Variants in XRN1 observed in about 807,000 individuals in gnomAD.
XRN1 encodes the protein strand-exchange protein 1 homolog.
Under a neutral mutation model 222.3 loss-of-function variants are expected in XRN1, and 67 were observed. That is an observed-to-expected ratio of 0.30 (90% CI 0.25 to 0.37). The LOEUF is 0.37. Among genes scored for constraint, XRN1 ranks in the 10% least tolerant of loss-of-function variants. The probability of loss-of-function intolerance (pLI) is 1.00; values close to 1 mark genes in which losing one functional copy is unlikely to be tolerated. For synonymous variants in XRN1, 643 were observed against 652.4 expected (o/e 0.99, Z 0.22); for missense variants, 1,707 against 2,000.2 (o/e 0.85, Z 2.80).
At chr3:142,347,441 G>C in intron 32 of XRN1, 99 bp from the exon 33 acceptor site, 5 of 783,188 alleles carry the variant, frequency 6.4e-6, no homozygotes, top group Non-Finnish European at 9.3e-6. Flanking sequence ...AAATTATATA[G>C]TTCCTTAGAA....
intron 2 of XRN1, among the ~76,000 whole-genome samples, chr3:142,432,328 C>T (rs1224457942): frequency 2.1e-5 from 3 of 146,322 alleles, no homozygotes; most frequent in Non-Finnish European, 4.5e-5. Context: ...GCTGAGGCAC[C>T]GATAATCACT....
At chr3:142,341,065 C>G (rs555772634) in intron 33 of XRN1, among the ~76,000 whole-genome samples, 67 of 151,796 alleles carry the variant, frequency 4.4e-4, no homozygotes, top group African/African-American at 1.4e-3. Context: ...ACTGATGAAC[C>G]AATGAAAAAA....
At chr3:142,396,432 A>G (rs537223069) in intron 20 of XRN1, among the ~76,000 whole-genome samples, 2 of 152,346 alleles carry the variant, frequency 1.3e-5, no homozygotes. Context: ...TCATACAAGT[A>G]AGTTTATTAT....
chr3:142,411,732 G>A (rs2068588382), intron 15 of XRN1, among the ~76,000 whole-genome samples: 1 of 151,948 alleles, frequency 6.6e-6, no homozygotes, highest in Non-Finnish European at 1.5e-5. Flanking sequence ...CAAAATGTAT[G>A]GGGATCCCCC....
At chr3:142,417,297 T>A (rs1264591250) in intron 12 of XRN1, 68 bp from the exon 13 acceptor site, 5 of 1,265,198 alleles carry the variant, frequency 4.0e-6, no homozygotes, top group South Asian at 2.6e-5. Flanking sequence ...GAGCACGGTA[T>A]CTGCTGATAC....
chr3:142,319,886 T>C (rs1044163863), intron 37 of XRN1, among the ~76,000 whole-genome samples: 3 of 151,668 alleles, frequency 2.0e-5, no homozygotes, highest in African/African-American at 4.8e-5. Flanking sequence ...GTGTATAGGA[T>C]AGTAGTACAT....
At position 142,448,008 on chromosome 3, in the gene XRN1, G is replaced by T; in HGVS notation, c.-64C>A. The T allele has an allele frequency of 6.5e-7, 1 of 1,548,102 alleles. No homozygotes were observed. Among genetic ancestry groups the T allele is most frequent in the Non-Finnish European group, 8.9e-7 (1 of 1,125,846 alleles). ...AAACCAAACGCCCCGCCGGGGCTCC[G>T]CCGCAGCCTCCGGTCGTCGCTCCGC... is the stretch of plus-strand genomic sequence containing the variant. On this transcript the variant is annotated 5_prime_UTR_variant, in exon 1 of 41. Transcript: ENST00000392981.
intron 25 of XRN1, among the ~76,000 whole-genome samples, chr3:142,374,311 A>AG (rs2067075987): frequency 6.6e-6 from 1 of 152,200 alleles, no homozygotes; most frequent in Admixed American, 6.5e-5. Context: ...CTGAAGCAGG[A>AG]AGACACAGGT....
chr3:142,382,682 A>G lies in XRN1; in HGVS notation c.2616+618T>C, dbSNP rs573389190. 3.3e-5 allele frequency among the ~76,000 whole-genome samples: 5 copies of G among 152,320 alleles called. No homozygotes were observed. In the South Asian group the frequency reaches 1.0e-3, roughly 32 times the overall value. On this transcript the variant is annotated intron_variant, in intron 22 of 40. Transcript: ENST00000392981. ...TAGTGAGTTATGAAATTAGACGTCAAGATCTGGGTGGTACATGTGCTCATT... is the reference window on the plus strand; with the variant it reads ...TAGTGAGTTATGAAATTAGACGTCAGGATCTGGGTGGTACATGTGCTCATT...
chr3:142,336,957 TA>T (rs149400254), intron 33 of XRN1, among the ~76,000 whole-genome samples: 1 of 151,936 alleles, frequency 6.6e-6, no homozygotes, highest in African/African-American at 2.4e-5. Flanking sequence ...ATACTGGTAT[TA>T]AAAAAAGGTA....
rs1287571694 is a variant in XRN1 at position 142,309,068 on chromosome 3, T to C, written c.*2443A>G. The C allele has an allele frequency of 6.6e-6, 1 of 152,158 alleles. No homozygotes were observed. The highest frequency in any genetic ancestry group is 2.4e-5 in the African/African-American group (1 of 41,438). The allele number at this position is 152,158 out of a possible 1,614,324, so 9.4% of individuals were successfully genotyped here. A position where few individuals can be genotyped will look rare whatever the true frequency, so the allele number is the denominator to read the frequency against. Reference sequence around the variant, plus strand: ...CTCCATAGGGAGGGCACATCTCCCATTGACCTCAGGCCCACATTTAGAATG... The same window carrying C: ...CTCCATAGGGAGGGCACATCTCCCACTGACCTCAGGCCCACATTTAGAATG... On this transcript the variant is annotated 3_prime_UTR_variant, in exon 41 of 41. Coordinates refer to ENST00000392981, the MANE Select transcript of XRN1 (RefSeq NM_001282857.2).
In XRN1 at chr3:142,337,176, A is replaced by G. The variant is rs1027899319; in HGVS notation, c.3878-1667T>C. Among the ~76,000 whole-genome samples, 6 of 152,130 alleles carry G rather than the reference A, an allele frequency of 3.9e-5. No homozygotes were observed. In the South Asian group the frequency reaches 8.3e-4, roughly 21 times the overall value. On this transcript the variant is annotated intron_variant, in intron 33 of 40. Coordinates refer to ENST00000392981, the MANE Select transcript of XRN1 (RefSeq NM_001282857.2). ...TTCTTCAGCCAGCTTTGCATAGTTC[A>G]TGCCTTCCTGAGCCCTTTATTAGGG...
At chr3:142,344,127 A>T (rs1049873307) in intron 33 of XRN1, among the ~76,000 whole-genome samples, 3 of 152,104 alleles carry the variant, frequency 2.0e-5, no homozygotes, top group African/African-American at 4.8e-5. Context: ...GGGGATGGTT[A>T]GCAGGTACAA....
intron 10 of XRN1, 27 bp from the exon 11 acceptor site, chr3:142,418,908 G>C (rs1342758199): frequency 2.1e-5 from 33 of 1,595,822 alleles, no homozygotes; most frequent in Non-Finnish European, 2.8e-5. Flanking sequence ...AACATAAAAT[G>C]AATGGCAAGA....
chr3:142,438,575 C>T (rs1374118639), intron 1 of XRN1, among the ~76,000 whole-genome samples: 1 of 152,080 alleles, frequency 6.6e-6, no homozygotes, highest in Non-Finnish European at 1.5e-5. Flanking sequence ...AGATGGGAAA[C>T]GTTCTCCCCC....
rs183913864 is a variant in XRN1, at chr3:142,345,966, C to G, written c.3877+1268G>C. 1.6e-3 allele frequency among the ~76,000 whole-genome samples: 242 copies of G among 152,248 alleles called. 1 individual carries two copies. The highest frequency in any genetic ancestry group is 4.6e-3 in the African/African-American group (191 of 41,540). On this transcript the variant is annotated intron_variant, in intron 33 of 40. Transcript: ENST00000392981. ...GTAAAATGGTAATATCCAAACAGTT[C>G]GGCAGTTATACAAAAAGCTGAACTT...
chr3:142,397,762 C>T (rs1350403016), intron 19 of XRN1, among the ~76,000 whole-genome samples: 1 of 152,040 alleles, frequency 6.6e-6, no homozygotes, highest in East Asian at 1.9e-4. Flanking sequence ...TGTTCTATAG[C>T]AACAGTAGGT....
At chr3:142,442,765 G>A (rs2070284444) in intron 1 of XRN1, among the ~76,000 whole-genome samples, 1 of 151,998 alleles carries the variant, frequency 6.6e-6, no homozygotes, top group Non-Finnish European at 1.5e-5. Context: ...ATGGAATCTC[G>A]CTCTGTTGCC....
At chr3:142,443,898 CAAG>C (rs1450915195) in intron 1 of XRN1, among the ~76,000 whole-genome samples, 1 of 152,172 alleles carries the variant, frequency 6.6e-6, no homozygotes, top group Admixed American at 6.5e-5. Context: ...TATTCAGCCA[CAAG>C]AAGGAATGAG....
Sources: allele counts gnomAD v4.1 joint callset (sites outside exome capture counted in the v4.1 genomes callset), GRCh38; gene constraint gnomAD v4.1.1; transcripts MANE v1.5; gene names NCBI Gene and HGNC (gene_info 2026-07-23, HGNC 2026-07-21).